NR3C1: variants seen among roughly 807,000 people sequenced by gnomAD.
NR3C1 encodes the protein glucocorticoid receptor.
NR3C1 carries 14 observed loss-of-function variants against 74.0 expected under a neutral mutation model. The observed-to-expected ratio is 0.19, with a 90% CI of 0.12 to 0.30. The LOEUF (loss-of-function observed/expected upper bound fraction) is 0.30. NR3C1 is among the 10% of genes least tolerant of loss of function. The pLI is 1.00. For synonymous variants in NR3C1, 308 were observed against 332.5 expected (o/e 0.93, Z 0.80); for missense variants, 695 against 909.8 (o/e 0.76, Z 3.04).
intron 2 of NR3C1, among the ~76,000 whole-genome samples, chr5:143,387,273 A>T (rs1837409296): frequency 6.6e-6 from 1 of 152,156 alleles, no homozygotes. Context: ...TAAATTTCAA[A>T]TTTAAGTCTC....
At chr5:143,419,683 T>C (rs1276226975) in intron 1 of NR3C1, among the ~76,000 whole-genome samples, 1 of 151,988 alleles carries the variant, frequency 6.6e-6, no homozygotes, top group Non-Finnish European at 1.5e-5. Context: ...CACAAGGTAA[T>C]AGAATATCAC....
intron 1 of NR3C1, among the ~76,000 whole-genome samples, chr5:143,410,196 C>A (rs1214745174): frequency 6.6e-6 from 1 of 152,156 alleles, no homozygotes; most frequent in African/African-American, 2.4e-5. Flanking sequence ...ATTTAATCTC[C>A]TTTTCTCTCC....
intron 2 of NR3C1, among the ~76,000 whole-genome samples, chr5:143,339,173 G>A (rs1423006595): frequency 6.6e-6 from 1 of 152,054 alleles, no homozygotes; most frequent in East Asian, 1.9e-4. Flanking sequence ...ACCTATCTCT[G>A]TTGTTAAGCA....
intron 2 of NR3C1, among the ~76,000 whole-genome samples, chr5:143,373,951 T>C (rs769870603): frequency 9.9e-5 from 15 of 152,212 alleles, no homozygotes; most frequent in Non-Finnish European, 2.1e-4. Flanking sequence ...GCCTATGGTA[T>C]GACACAAAAA....
Position 143,413,147 on chromosome 5 carries a change from T to G in NR3C1, c.-13-12295A>C, listed in dbSNP as rs58734735. Among the ~76,000 whole-genome samples the G allele has an allele frequency of 4.4e-3, 671 of 152,234 alleles. 4 individuals are homozygous for G. The highest frequency in any genetic ancestry group is 0.015 in the African/African-American group (624 of 41,536). The stretch of plus-strand genomic sequence containing the variant: ...GGAGACAGATACGGTTACAAGTCAT[T>G]ATAGAACAATGCAGACTTACAGAAA... On this transcript the variant is annotated intron_variant, in intron 1 of 8. Transcript: ENST00000343796.
At chr5:143,363,462 T>C (rs1273224446) in intron 2 of NR3C1, among the ~76,000 whole-genome samples, 1 of 152,040 alleles carries the variant, frequency 6.6e-6, no homozygotes, top group Non-Finnish European at 1.5e-5. Flanking sequence ...GATACTAGAC[T>C]TCATAGACAA....
intron 2 of NR3C1, among the ~76,000 whole-genome samples, chr5:143,329,740 T>G (rs1307581212): frequency 2.6e-5 from 4 of 152,158 alleles, no homozygotes; most frequent in African/African-American, 9.7e-5. Context: ...AATTAACACC[T>G]TTTTTTAAAT....
chr5:143,282,161 T>C, intron 8 of NR3C1, 120 bp from the exon 9 acceptor site: 1 of 1,009,292 alleles, frequency 9.9e-7, no homozygotes, highest in Non-Finnish European at 1.5e-6. Context: ...CTCACTGGAA[T>C]TCCCCAGATG....
chr5:143,309,066 C>A (rs1599832496), intron 4 of NR3C1, among the ~76,000 whole-genome samples: 1 of 142,814 alleles, frequency 7.0e-6, no homozygotes, highest in Non-Finnish European at 1.5e-5. Context: ...TAACTAGTTT[C>A]AGGTTTCTTT....
intron 2 of NR3C1, among the ~76,000 whole-genome samples, chr5:143,393,140 C>G (rs1838590983): frequency 6.6e-6 from 1 of 152,152 alleles, no homozygotes; most frequent in Non-Finnish European, 1.5e-5. Context: ...CGGGTGCTAA[C>G]AGCAGCAATA....
chr5:143,374,830 A>T (rs765810878), intron 2 of NR3C1, among the ~76,000 whole-genome samples: 1 of 152,048 alleles, frequency 6.6e-6, no homozygotes, highest in Non-Finnish European at 1.5e-5. Context: ...AATGCCCAGG[A>T]TACGTTTTTA....
Position 143,399,617 on chromosome 5 carries a change from A to G in NR3C1, c.1184+39T>C, listed in dbSNP as rs770783169. The G allele has an allele frequency of 1.3e-5, 18 of 1,376,706 alleles. No homozygotes were observed. The African/African-American group carries it at 2.0e-4, about 15-fold the overall frequency. 85.3% of individuals were successfully genotyped at this position (1,376,706 alleles called of 1,614,324 possible). On this transcript the variant is annotated intron_variant, in intron 2 of 8. Coordinates refer to ENST00000394464, the MANE Select transcript of NR3C1 (RefSeq NM_000176.3). ...ATTTACATCTATTAATCTACCTTAA[A>G]TGTACCATTCTTAAGAAACAGAAAA...
intron 2 of NR3C1, among the ~76,000 whole-genome samples, chr5:143,336,970 C>A (rs1827251678): frequency 6.8e-6 from 1 of 147,918 alleles, no homozygotes. Flanking sequence ...AGAGTGAGAC[C>A]CTGTCTCAAA....
intron 2 of NR3C1, among the ~76,000 whole-genome samples, chr5:143,342,168 A>G (rs938665789): frequency 6.6e-5 from 10 of 152,224 alleles, no homozygotes; most frequent in Non-Finnish European, 1.5e-4. Context: ...TTAAGAATTA[A>G]AATTTCTTTC....
intron 6 of NR3C1, 47 bp from the exon 7 acceptor site, chr5:143,295,637 C>A (rs747822095): frequency 6.6e-7 from 1 of 1,511,136 alleles, no homozygotes; most frequent in Non-Finnish European, 9.2e-7. Flanking sequence ...ACTGCTACTT[C>A]CCCCCAAAAA....
chr5:143,342,908 T>G (rs1828515360), intron 2 of NR3C1, among the ~76,000 whole-genome samples: 3 of 151,976 alleles, frequency 2.0e-5, no homozygotes, highest in Admixed American at 1.3e-4. Flanking sequence ...GCTGGAAAGG[T>G]AAGTAGAGAG....
intron 2 of NR3C1, among the ~76,000 whole-genome samples, chr5:143,368,251 A>T (rs1353314055): frequency 2.0e-5 from 3 of 152,222 alleles, no homozygotes; most frequent in African/African-American, 7.2e-5. Flanking sequence ...AAATGGATCA[A>T]AGGCCTAAAT....
rs146852444 is a variant in NR3C1, at chr5:143,359,681, G to A, written c.1184+39975C>T. ...CCTGTAATCCCCAGCACTTTGGAAG[G>A]CTGAGACAGACAGATCACCTGAGGC... On this transcript the variant is annotated intron_variant, in intron 2 of 8. Transcript: ENST00000394464. Among the ~76,000 whole-genome samples, 676 of 152,280 alleles carry A rather than the reference G, an allele frequency of 4.4e-3. 2 individuals carry two copies. Among genetic ancestry groups the A allele is most frequent in the African/African-American group, 0.015 (643 of 41,550 alleles).
intron 2 of NR3C1, among the ~76,000 whole-genome samples, chr5:143,383,089 T>C (rs780982400): frequency 2.4e-4 from 37 of 152,294 alleles, no homozygotes; most frequent in Non-Finnish European, 5.0e-4. Context: ...GAGCCTGAAA[T>C]TGGATGGCAT....
Sources: gnomAD v4.1 joint callset for allele counts (sites outside exome capture counted in the v4.1 genomes callset) on GRCh38, gnomAD v4.1.1 for gene constraint, MANE v1.5 for transcripts, NCBI Gene and HGNC (gene_info 2026-07-23, HGNC 2026-07-21) for gene names.